Variants in CTHRC1 observed in about 807,000 individuals in gnomAD.
CTHRC1 encodes collagen triple helix repeat containing 1, also known as collagen triple helix repeat-containing protein 1.
In CTHRC1, 21 loss-of-function variants were observed where a neutral mutation model predicts 25.9. The observed-to-expected ratio is 0.81, with a 90% CI of 0.57 to 1.17. CTHRC1 has a LOEUF of 1.17. Among genes scored for constraint, CTHRC1 ranks in the 50% most tolerant of loss-of-function variants. The pLI is 0.00. For synonymous variants in CTHRC1, 109 were observed against 113.1 expected (o/e 0.96, Z 0.23); for missense variants, 281 against 304.3 (o/e 0.92, Z 0.57).
rs181675792 is a variant in CTHRC1 at position 103,376,179 on chromosome 8, T to C, written c.372+220T>C. ...AATGCTTATCATTTTAACCATAGTA[T>C]CTAAAATAACATACTTTTTAAAAAT... On this transcript the variant is annotated intron_variant, in intron 2 of 3. Transcript: ENST00000330295. 3.7e-3 allele frequency: 2,263 copies of C among 606,116 alleles called. 10 individuals carry two copies. The highest frequency in any genetic ancestry group is 5.2e-3 in the Non-Finnish European group (1,790 of 345,216). 37.5% of individuals were successfully genotyped at this position (606,116 alleles called of 1,614,324 possible).
intron 3 of CTHRC1, among the ~76,000 whole-genome samples, chr8:103,380,229 C>T (rs1815883035): frequency 6.6e-6 from 1 of 152,192 alleles, no homozygotes; most frequent in Non-Finnish European, 1.5e-5. Flanking sequence ...TAATATTTTG[C>T]TAATGTAAGC....
rs149327125 is a variant in CTHRC1, at chr8:103,374,740, C to T, written c.151-998C>T. Among the ~76,000 whole-genome samples, 156 of 152,292 alleles carry T rather than the reference C, an allele frequency of 1.0e-3. 1 individual carries two copies. Among genetic ancestry groups the T allele is most frequent in the African/African-American group, 3.5e-3 (145 of 41,552 alleles). On this transcript the variant is annotated intron_variant, in intron 1 of 3. Transcript: ENST00000330295. Reference sequence around the variant, plus strand: ...CATACAGTGTTTACTGTGTTCCAGGCATTGTTCTAAGCACATTTTATATAT... The same window carrying T: ...CATACAGTGTTTACTGTGTTCCAGGTATTGTTCTAAGCACATTTTATATAT...
At chr8:103,375,088 A>G (rs1370448031) in intron 1 of CTHRC1, among the ~76,000 whole-genome samples, 1 of 152,132 alleles carries the variant, frequency 6.6e-6, no homozygotes, top group Non-Finnish European at 1.5e-5. Context: ...GAGGGGTGGG[A>G]TGAGAGGCCA....
At chr8:103,372,472 C>T (rs1358065824) in intron 1 of CTHRC1, 1 of 1,581,834 alleles carries the variant, frequency 6.3e-7, no homozygotes, top group African/African-American at 1.3e-5. Flanking sequence ...AGGGGCCCGG[C>T]GCTAACCCTC....
In CTHRC1 at chr8:103,371,674, C is replaced by A. The variant is rs1051500010; in HGVS notation, c.18C>A (p.Pro6=). The stretch of plus-strand genomic sequence containing the variant: ...CGGGAGCCATGCGACCCCAGGGCCC[C>A]GCCGCCTCCCCGCAGCGGCTCCGCG... MRPQG[P]AASPQRLRGL... is the part of the protein sequence containing the mutation. Residue 6 remains proline (P), a synonymous_variant, in exon 1 of 4, where the codon CCC becomes CCA. Coordinates refer to ENST00000330295, the MANE Select transcript of CTHRC1 (RefSeq NM_138455.4). 3.3e-6 allele frequency: 5 copies of A among 1,533,956 alleles called. No individual in the cohort carries two copies. In the African/African-American group the frequency reaches 5.7e-5, roughly 17 times the overall value.
Position 103,375,871 on chromosome 8 carries a change from G to C in CTHRC1, c.284G>C (p.Arg95Thr). The C allele has an allele frequency of 6.2e-7, 1 of 1,614,156 alleles. No individual in the cohort carries two copies. Among genetic ancestry groups the C allele is most frequent in the African/African-American group, 1.3e-5 (1 of 75,022 alleles). ...AAAGGAGAAAAGGGGGAATGTCTGA[G>C]GGAAAGCTTTGAGGAGTCCTGGACA... Reference protein sequence around the residue: ...GFKGEKGECLRESFEESWTPN... With the variant: ...GFKGEKGECLTESFEESWTPN... The change falls in exon 2 of 4, where the codon AGG becomes ACG. Residue 95 changes from arginine to threonine, a missense_variant. Coordinates refer to ENST00000330295, the MANE Select transcript of CTHRC1 (RefSeq NM_138455.4).
At position 103,382,552 on chromosome 8, in the gene CTHRC1, T is replaced by G. The variant is rs770249018; in HGVS notation, c.684T>G (p.Thr228=). The G allele has an allele frequency of 7.3e-5, 117 of 1,613,486 alleles. No homozygotes were observed. Among genetic ancestry groups the G allele is most frequent in the Non-Finnish European group, 9.8e-5 (116 of 1,179,616 alleles). ...ATTACCCAAAAGGAGATGCTTCTACTGGATGGAATTCAGTTTCTCGCATCA... is the reference window on the plus strand; with the variant it reads ...ATTACCCAAAAGGAGATGCTTCTACGGGATGGAATTCAGTTTCTCGCATCA... The part of the protein sequence containing the change: ...CSDYPKGDAS[T]GWNSVSRIII... The change falls in exon 4 of 4, where the codon ACT becomes ACG. Residue 228 remains threonine (T), a synonymous_variant. Coordinates refer to ENST00000330295, the MANE Select transcript of CTHRC1 (RefSeq NM_138455.4).
chr8:103,376,400 C>G (rs1815808989), intron 2 of CTHRC1, among the ~76,000 whole-genome samples: 2 of 152,234 alleles, frequency 1.3e-5, no homozygotes, highest in African/African-American at 4.8e-5. Context: ...AGGAAGCATG[C>G]CCAGCTTAAA....
chr8:103,371,646 A>G lies in CTHRC1; in HGVS notation c.-11A>G, dbSNP rs1453251229. The G allele has an allele frequency of 2.6e-6, 4 of 1,530,668 alleles. No homozygotes were observed. The highest frequency in any genetic ancestry group is 1.2e-5 in the South Asian group (1 of 82,162). 94.8% of individuals were successfully genotyped at this position (1,530,668 alleles called of 1,614,324 possible). A position where few individuals can be genotyped will look rare whatever the true frequency, so the allele number is the denominator to read the frequency against. ...CGCCTCCAGCTCCGCGCTGCCCGGCAGCCGGGAGCCATGCGACCCCAGGGC... is the reference window on the plus strand; with the variant it reads ...CGCCTCCAGCTCCGCGCTGCCCGGCGGCCGGGAGCCATGCGACCCCAGGGC... On this transcript the variant is annotated 5_prime_UTR_variant, in exon 1 of 4. Transcript: ENST00000330295.
chr8:103,372,447 C>G, intron 1 of CTHRC1: 1 of 1,536,598 alleles, frequency 6.5e-7, no homozygotes, highest in East Asian at 2.4e-5. Flanking sequence ...GGTTTAAGGC[C>G]GGAAAGGGAA....
At chr8:103,378,852 A>C (rs1327019089) in intron 3 of CTHRC1, among the ~76,000 whole-genome samples, 1 of 151,646 alleles carries the variant, frequency 6.6e-6, no homozygotes, top group African/African-American at 2.4e-5. Flanking sequence ...CCATCTCTAC[A>C]AAAAAAATAC....
At chr8:103,374,024 TTAC>T (rs1352224549) in intron 1 of CTHRC1, among the ~76,000 whole-genome samples, 1 of 152,206 alleles carries the variant, frequency 6.6e-6, no homozygotes, top group Non-Finnish European at 1.5e-5. Context: ...TTAAAATGCT[TTAC>T]TTTTTGTGTC....
chr8:103,380,748 C>G (rs971686773), intron 3 of CTHRC1, among the ~76,000 whole-genome samples: 1 of 152,176 alleles, frequency 6.6e-6, no homozygotes, highest in Non-Finnish European at 1.5e-5. Context: ...GTCCTTAGGC[C>G]GTAGGGGGAA....
At chr8:103,378,459 A>C (rs1815848366) in intron 3 of CTHRC1, among the ~76,000 whole-genome samples, 1 of 152,216 alleles carries the variant, frequency 6.6e-6, no homozygotes, top group African/African-American at 2.4e-5. Flanking sequence ...CTAACGCAGA[A>C]TCTCTAGCAG....
At chr8:103,376,333 C>T (rs1227435875) in intron 2 of CTHRC1, among the ~76,000 whole-genome samples, 2 of 152,156 alleles carry the variant, frequency 1.3e-5, no homozygotes, top group Non-Finnish European at 2.9e-5. Flanking sequence ...GAAAAAATTT[C>T]CAAGAAATTA....
At chr8:103,379,296 C>T (rs1317887249) in intron 3 of CTHRC1, among the ~76,000 whole-genome samples, 1 of 152,002 alleles carries the variant, frequency 6.6e-6, no homozygotes. Flanking sequence ...GTTGCTCAGC[C>T]TGGAGTACAC....
chr8:103,379,496 A>G (rs1815867124), intron 3 of CTHRC1, among the ~76,000 whole-genome samples: 1 of 152,044 alleles, frequency 6.6e-6, no homozygotes, highest in South Asian at 2.1e-4. Context: ...AAAACTATTA[A>G]TCTCATCCTC....
At chr8:103,378,493 T>A (rs1371273154) in intron 3 of CTHRC1, among the ~76,000 whole-genome samples, 2 of 152,226 alleles carry the variant, frequency 1.3e-5, no homozygotes, top group African/African-American at 4.8e-5. Context: ...TCTGTGTTTT[T>A]TAAAAGATCC....
chr8:103,372,765 C>G (rs1586550588), intron 1 of CTHRC1: 1 of 788,522 alleles, frequency 1.3e-6, no homozygotes, highest in East Asian at 2.7e-5. Context: ...CTACCGTAGT[C>G]CTTGGCATAT....
Sources: gnomAD v4.1 joint callset for allele counts (sites outside exome capture counted in the v4.1 genomes callset) on GRCh38, gnomAD v4.1.1 for gene constraint, MANE v1.5 for transcripts, NCBI Gene and HGNC (gene_info 2026-07-23, HGNC 2026-07-21) for gene names.